The following RFLNA variants were observed in gnomAD, a reference collection of about 807,000 sequenced individuals.
The protein encoded by RFLNA is refilin A, also known as refilin-A.
Under a neutral mutation model 7.8 loss-of-function variants are expected in RFLNA, and 5 were observed. The observed-to-expected ratio is 0.64, with a 90% CI of 0.34 to 1.35. The LOEUF is 1.35. RFLNA is among the 40% of genes most tolerant of loss of function. RFLNA has a pLI of 0.04. For missense variants in RFLNA, 278 were observed against 305.5 expected, an observed-to-expected ratio of 0.91 and a Z score of 0.67; for synonymous variants, 141 against 131.3, an observed-to-expected ratio of 1.07 and a Z score of -0.50.
At chr12:124,299,590 A>G (rs1392684167) in intron 1 of RFLNA, among the ~76,000 whole-genome samples, 1 of 152,172 alleles carries the variant, frequency 6.6e-6, no homozygotes, top group Non-Finnish European at 1.5e-5. Context: ...CCACTTATAA[A>G]TGAGAAATAC....
chr12:124,315,994 T>C lies in RFLNA; in HGVS notation c.*1469T>C, dbSNP rs923988903. The C allele has an allele frequency of 2.0e-5, 3 of 152,250 alleles. No individual in the cohort carries two copies. The highest frequency in any genetic ancestry group is 2.1e-4 in the South Asian group (1 of 4,834). The allele number at this position is 152,250 out of a possible 1,614,324, so 9.4% of individuals were successfully genotyped here. The stretch of plus-strand genomic sequence containing the variant: ...ACAAAGGAATAACTTAAGAAATTGA[T>C]TGATTATCTTAATAAACTGTGCAAA... On this transcript the variant is annotated 3_prime_UTR_variant, in exon 3 of 3. Transcript: ENST00000546355.
rs1316152739 is a variant in RFLNA, at chr12:124,315,269, G to T, written c.*744G>T. 1.3e-5 allele frequency: 2 copies of T among 155,284 alleles called. No individual in the cohort carries two copies. Among genetic ancestry groups the T allele is most frequent in the Non-Finnish European group, 1.4e-5 (1 of 70,038 alleles). 9.6% of individuals were successfully genotyped at this position (155,284 alleles called of 1,614,324 possible). On this transcript the variant is annotated 3_prime_UTR_variant, in exon 3 of 3. Coordinates refer to ENST00000546355, the MANE Select transcript of RFLNA (RefSeq NM_001365156.1). ...TGCCCGTCGAAATGGAAAGGTTGGT[G>T]CTCAGCCTCTGGAGCCTCACCTGCA...
In RFLNA at chr12:124,315,644, GCTGGGGGAGCCCCCAGC is replaced by G. The variant is rs1457902343; in HGVS notation, c.*1126_*1142del. On this transcript the variant is annotated 3_prime_UTR_variant, in exon 3 of 3. Coordinates refer to ENST00000546355, the MANE Select transcript of RFLNA (RefSeq NM_001365156.1). ...TGGAACAAGCCAGGATGCACGGGGA[GCTGGGGGAGCCCCCAGC>G]CTGGGGCAGCCCAGCAGGCCGCTGA... 6.6e-6 allele frequency: 1 copy of G among 152,306 alleles called. No homozygotes were observed. 9.4% of individuals were successfully genotyped at this position (152,306 alleles called of 1,614,324 possible).
chr12:124,295,948 G>A lies in RFLNA; in HGVS notation c.207+312G>A, dbSNP rs940661092. 1.4e-3 allele frequency among the ~76,000 whole-genome samples: 206 copies of A among 151,746 alleles called. 1 individual carries two copies. The highest frequency in any genetic ancestry group is 1.1e-3 in the African/African-American group (47 of 41,436). On this transcript the variant is annotated intron_variant, in intron 1 of 2. Coordinates refer to ENST00000546355, the MANE Select transcript of RFLNA (RefSeq NM_001365156.1). Reference sequence around the variant, plus strand: ...TAAAGGACGGTCCGAAATTCCCAAAGAAGTTGGCTGTTGGCTAGGTGGGCT... The same window carrying A: ...TAAAGGACGGTCCGAAATTCCCAAAAAAGTTGGCTGTTGGCTAGGTGGGCT...
intron 1 of RFLNA, among the ~76,000 whole-genome samples, chr12:124,300,782 G>T (rs868091207): frequency 0.019 from 1,607 of 85,566 alleles, 8 homozygotes; most frequent in Middle Eastern, 0.05. Flanking sequence ...ATTGACGGAT[G>T]GATGGATGGA....
intron 1 of RFLNA, among the ~76,000 whole-genome samples, chr12:124,298,028 G>A (rs1334579333): frequency 1.3e-5 from 2 of 152,262 alleles, no homozygotes; most frequent in Admixed American, 6.5e-5. Flanking sequence ...CAACACCCGA[G>A]GAAGAGGATG....
intron 2 of RFLNA, among the ~76,000 whole-genome samples, chr12:124,313,474 C>T (rs531599085): frequency 2.0e-5 from 3 of 152,106 alleles, no homozygotes; most frequent in East Asian, 1.9e-4. Context: ...GTCAGGAGAT[C>T]GAGACCATCC....
chr12:124,308,545 C>T (rs766945533), intron 1 of RFLNA, among the ~76,000 whole-genome samples: 1 of 152,234 alleles, frequency 6.6e-6, no homozygotes, highest in Non-Finnish European at 1.5e-5. Context: ...CTTCTGGGTC[C>T]ATCTCATCTT....
chr12:124,301,639 A>G (rs4765537), intron 1 of RFLNA, among the ~76,000 whole-genome samples: 17,127 of 152,072 alleles, frequency 0.11, 1,127 homozygotes, highest in East Asian at 0.3. Context: ...TGGGTTCGCC[A>G]TTTTTTTGTG....
At position 124,295,632 on chromosome 12, in the gene RFLNA, G is replaced by C. The variant is rs2033894820; in HGVS notation, c.203G>C (p.Arg68Thr). 2 of 1,216,684 alleles carry C rather than the reference G, an allele frequency of 1.6e-6. No individual in the cohort carries two copies. Among genetic ancestry groups the C allele is most frequent in the African/African-American group, 3.3e-5 (2 of 61,372 alleles). The allele number at this position is 1,216,684 out of a possible 1,614,324, so 75.4% of individuals were successfully genotyped here. The change falls in exon 1 of 3, where the codon AGA (arginine) becomes ACA (threonine). Residue 68 changes from arginine to threonine, a missense_variant. By Grantham distance (71) the Arg-to-Thr change is moderately conservative. Transcript: ENST00000546355. ...SSEPPGPSEARAPPSQLPNPP... is the reference protein window; with the variant it reads ...SSEPPGPSEATAPPSQLPNPP... The stretch of plus-strand genomic sequence containing the variant: ...GAGCCCCCGGGACCCAGCGAGGCCA[G>C]AGCGGTAAGGAGGCGCTCTCTCTCC...
intron 1 of RFLNA, among the ~76,000 whole-genome samples, chr12:124,302,185 C>A (rs562082471): frequency 5.3e-5 from 8 of 152,302 alleles, no homozygotes; most frequent in Non-Finnish European, 7.3e-5. Flanking sequence ...GACCCTCTTT[C>A]CAAATAAGGT....
At chr12:124,312,046 A>G in intron 2 of RFLNA, 119 bp downstream of exon 2, 1 of 1,221,168 alleles carries the variant, frequency 8.2e-7, no homozygotes, top group East Asian at 3.1e-5. Context: ...GAGGCTCCCT[A>G]CCCTCCAGGC....
intron 1 of RFLNA, among the ~76,000 whole-genome samples, chr12:124,296,082 T>TTCTTTCTTTCTTTCTTTC (rs1161117238): frequency 7.4e-4 from 4 of 5,400 alleles, no homozygotes; most frequent in Non-Finnish European, 2.5e-3. Context: ...TTTTCTTTCT[T>TTCTTTCTTTCTTTCTTTC]TCTTTCTTTC....
rs2034316798 is a variant in RFLNA, at chr12:124,314,582, G to C, written c.*57G>C. 3 of 1,536,000 alleles carry C rather than the reference G, an allele frequency of 2.0e-6. No individual in the cohort carries two copies. The highest frequency in any genetic ancestry group is 2.6e-6 in the Non-Finnish European group (3 of 1,146,640). ...AGCCGGGAGCCCTGGGGAGAAGCCGGGAGGATGGACACGATGAGCTCGGCC... is the reference window on the plus strand; with the variant it reads ...AGCCGGGAGCCCTGGGGAGAAGCCGCGAGGATGGACACGATGAGCTCGGCC... On this transcript the variant is annotated 3_prime_UTR_variant, in exon 3 of 3. Coordinates refer to ENST00000546355, the MANE Select transcript of RFLNA (RefSeq NM_001365156.1).
At chr12:124,296,446 G>A (rs908150820) in intron 1 of RFLNA, among the ~76,000 whole-genome samples, 2 of 150,132 alleles carry the variant, frequency 1.3e-5, no homozygotes, top group Admixed American at 6.7e-5. Context: ...CGCCTTTGCA[G>A]CCTGAGGAAA....
rs2135696631 is a variant in RFLNA, at chr12:124,314,180, T to C, written c.318-12T>C. Reference sequence around the variant, plus strand: ...TCCTGGGTTCACTCCGCTTCCCTCCTGCCCTTTCCAGCTGCAACTCTGAGG... The same window carrying C: ...TCCTGGGTTCACTCCGCTTCCCTCCCGCCCTTTCCAGCTGCAACTCTGAGG... On this transcript the variant is annotated splice_polypyrimidine_tract_variant and intron_variant, in intron 2 of 2. Coordinates refer to ENST00000546355, the MANE Select transcript of RFLNA (RefSeq NM_001365156.1). 1.9e-6 allele frequency: 3 copies of C among 1,606,570 alleles called. No individual in the cohort carries two copies. Among genetic ancestry groups the C allele is most frequent in the East Asian group, 4.5e-5 (2 of 44,770 alleles).
intron 1 of RFLNA, among the ~76,000 whole-genome samples, chr12:124,304,377 G>A (rs996910186): frequency 2.0e-5 from 3 of 152,220 alleles, no homozygotes; most frequent in Non-Finnish European, 4.4e-5. Context: ...CAGCTTGGGT[G>A]GACTTTAGGT....
intron 1 of RFLNA, among the ~76,000 whole-genome samples, chr12:124,301,212 C>T (rs1211829867): frequency 4.6e-5 from 7 of 152,318 alleles, no homozygotes; most frequent in African/African-American, 1.7e-4. Flanking sequence ...GCGCCTCCTT[C>T]CAGCCGCGTC....
chr12:124,295,674 T>G (rs1490938927), intron 1 of RFLNA, 38 bp downstream of exon 1: 1 of 1,231,824 alleles, frequency 8.1e-7, no homozygotes. Flanking sequence ...GGGGACCGCG[T>G]GGGCGGGTGG....
Sources: allele counts gnomAD v4.1 joint callset (sites outside exome capture counted in the v4.1 genomes callset), GRCh38; gene constraint gnomAD v4.1.1; transcripts MANE v1.5; gene names NCBI Gene and HGNC (gene_info 2026-07-23, HGNC 2026-07-21).